CD320: variants seen among roughly 807,000 people sequenced by gnomAD.
CD320 encodes the protein CD320 antigen.
A neutral mutation model predicts 22.1 loss-of-function variants in CD320; 16 were observed. That is an observed-to-expected ratio of 0.73 (90% CI 0.49 to 1.10). The LOEUF (loss-of-function observed/expected upper bound fraction) is 1.10, where lower values mean the gene tolerates loss of function less well. Ranked by LOEUF, CD320 falls within the 50% of genes least tolerant of loss-of-function variation. CD320 has a pLI of 0.00. For synonymous variants in CD320, 188 were observed against 167.8 expected (o/e 1.12, Z -0.93); for missense variants, 388 against 376.9 (o/e 1.03, Z -0.24).
In CD320 at chr19:8,302,248, G is replaced by T. The variant is rs773898400; in HGVS notation, c.*215C>A. 58 of 708,800 alleles carry T rather than the reference G, an allele frequency of 8.2e-5. No homozygotes were observed. Among genetic ancestry groups the T allele is most frequent in the South Asian group, 7.7e-4 (52 of 67,246 alleles). The allele number at this position is 708,800 out of a possible 1,614,324, so 43.9% of individuals were successfully genotyped here. The stretch of plus-strand genomic sequence containing the variant: ...AGCCCCTCAGTTCTGGCTGTGGCAG[G>T]TTCCCCATCCTAGCTCCCCGGATCT... On this transcript the variant is annotated 3_prime_UTR_variant, in exon 5 of 5. Coordinates refer to ENST00000301458, the MANE Select transcript of CD320 (RefSeq NM_016579.4).
chr19:8,303,674 C>G (rs915486657), intron 3 of CD320, among the ~76,000 whole-genome samples, 181 bp downstream of exon 3: 24 of 152,174 alleles, frequency 1.6e-4, no homozygotes, highest in African/African-American at 5.8e-4. Flanking sequence ...CTCAGCCTCC[C>G]AAAGTGCTGG....
intron 2 of CD320, 95 bp downstream of exon 2, chr19:8,304,936 T>C (rs1970065922): frequency 6.8e-7 from 1 of 1,476,984 alleles, no homozygotes; most frequent in Non-Finnish European, 9.3e-7. Context: ...CGGCCCTGCC[T>C]TTCCCACAAG....
In CD320 at chr19:8,302,995, G is replaced by C. The variant is rs188427014; in HGVS notation, c.503-15C>G. The C allele has an allele frequency of 1.2e-6, 2 of 1,612,028 alleles. No homozygotes were observed. Among genetic ancestry groups the C allele is most frequent in the East Asian group, 2.2e-5 (1 of 44,838 alleles). On this transcript the variant is annotated splice_polypyrimidine_tract_variant and intron_variant, in intron 3 of 4. Coordinates refer to ENST00000301458, the MANE Select transcript of CD320 (RefSeq NM_016579.4). ...CTCATTGGTTCCTGCAATAAGCCCAGGCGTTCAGTAGTTGAGGAGAGAGCA... is the reference window on the plus strand; with the variant it reads ...CTCATTGGTTCCTGCAATAAGCCCACGCGTTCAGTAGTTGAGGAGAGAGCA...
chr19:8,304,337 GTTTC>G (rs576970427), intron 2 of CD320, among the ~76,000 whole-genome samples: 79 of 151,730 alleles, frequency 5.2e-4, no homozygotes, highest in Non-Finnish European at 9.1e-4. Flanking sequence ...TTGTTTGTTT[GTTTC>G]TTTCTTTATT....
chr19:8,308,085 G>T (rs1234100487), intron 1 of CD320, 64 bp downstream of exon 1: 45 of 1,398,772 alleles, frequency 3.2e-5, no homozygotes, highest in Non-Finnish European at 4.1e-5. Flanking sequence ...AGGCGTTGTC[G>T]GTGCGCGGCG....
chr19:8,306,649 C>G (rs1970092221), intron 1 of CD320, among the ~76,000 whole-genome samples: 1 of 152,236 alleles, frequency 6.6e-6, no homozygotes, highest in Admixed American at 6.5e-5. Context: ...CCCTCCTCGG[C>G]CTTCAGGCCT....
In CD320 at chr19:8,302,514, C is replaced by T. The variant is rs768130652; in HGVS notation, c.798G>A (p.Val266=). The T allele has an allele frequency of 6.2e-7, 1 of 1,614,166 alleles. No individual in the cohort carries two copies. The highest frequency in any genetic ancestry group is 1.1e-5 in the South Asian group (1 of 91,092). The change falls in exon 5 of 5, where the codon GTG becomes GTA. Residue 266 remains valine (V), a synonymous_variant. Transcript: ENST00000301458. The part of the protein sequence containing the change: ...QERLRPLGLL[V]AMKESLLLSE... ...ACAGCAGCAGGGACTCCTTCATGGCCACCAGTAACCCCAGTGGGCGGAGGC... is the reference window on the plus strand; with the variant it reads ...ACAGCAGCAGGGACTCCTTCATGGCTACCAGTAACCCCAGTGGGCGGAGGC...
At position 8,303,088 on chromosome 19, in the gene CD320, G is replaced by A. The variant is rs1970033721; in HGVS notation, c.503-108C>T. 4 of 674,408 alleles carry A rather than the reference G, an allele frequency of 5.9e-6. No homozygotes were observed. In the Admixed American group the frequency reaches 1.1e-4, roughly 19 times the overall value. The allele number at this position is 674,408 out of a possible 1,614,324, so 41.8% of individuals were successfully genotyped here. A position where few individuals can be genotyped will look rare whatever the true frequency, so the allele number is the denominator to read the frequency against. On this transcript the variant is annotated intron_variant, in intron 3 of 4. Transcript: ENST00000301458. ...GTTTATCCTCAACCAACCAGGCTGG[G>A]TGAAGCTGACTGCCCGTAATTATGT...
intron 2 of CD320, chr19:8,304,814 A>G (rs1599622619): frequency 3.6e-6 from 2 of 554,580 alleles, no homozygotes; most frequent in East Asian, 3.3e-5. Context: ...CGATCCTCCC[A>G]CCCTAGCCTC....
chr19:8,303,114 CTTTTTTTTT>C (rs909856646), intron 3 of CD320, 134 bp from the exon 4 acceptor site: 26 of 520,030 alleles, frequency 5.0e-5, no homozygotes, highest in South Asian at 2.3e-4. Flanking sequence ...GTAATTATGT[CTTTTTTTTT>C]TTTTTTTTTT....
chr19:8,304,005 C>A lies in CD320; in HGVS notation c.352G>T (p.Gly118Trp). The A allele has an allele frequency of 1.3e-6, 2 of 1,569,538 alleles. No individual in the cohort carries two copies. Among genetic ancestry groups the A allele is most frequent in the Non-Finnish European group, 1.7e-6 (2 of 1,157,264 alleles). The change falls in exon 3 of 5, where the codon GGG becomes TGG. Residue 118 changes from glycine to tryptophan, a missense_variant. By Grantham distance (184) the Gly-to-Trp change is radical. Transcript: ENST00000301458. ...CPCTGVSDCS[G>W]GTDKKLRNCS... Reference sequence around the variant, plus strand: ...TTGCGCAGTTTCTTGTCAGTTCCCCCAGAGCAGTCACTGACGCCGGTGCAG... The same window carrying A: ...TTGCGCAGTTTCTTGTCAGTTCCCCAAGAGCAGTCACTGACGCCGGTGCAG...
In CD320 at chr19:8,306,471, G is replaced by A. The variant is rs369341524; in HGVS notation, c.143-1315C>T. Among the ~76,000 whole-genome samples, 28 of 152,344 alleles carry A rather than the reference G, an allele frequency of 1.8e-4. 1 individual carries two copies. The East Asian group carries it at 3.1e-3, about 17-fold the overall frequency. ...GGGCACGGAGGGGCCCGCAACCTGG[G>A]CCAAGGGACAGAGGAAGGGAGTGGC... On this transcript the variant is annotated intron_variant, in intron 1 of 4. Transcript: ENST00000301458.
Position 8,303,857 on chromosome 19 carries a change from CAGCCG to C in CD320, c.495_499del (p.Gly166TrpfsTer4), listed in dbSNP as rs1232134872. 3 of 1,591,836 alleles carry C rather than the reference CAGCCG, an allele frequency of 1.9e-6. No homozygotes were observed. The highest frequency in any genetic ancestry group is 3.5e-5 in the Admixed American group (2 of 57,354). ...ACCCCAGCCCCGCAGGTGCATACCA[CAGCCG>C]AGCTCGTCGCTGGAGTCGGGACAGT... On this transcript the variant is annotated frameshift_variant, in exon 3 of 5. Coordinates refer to ENST00000301458, the MANE Select transcript of CD320 (RefSeq NM_016579.4). LOFTEE classifies it high-confidence loss of function.
intron 1 of CD320, chr19:8,305,361 G>C: frequency 1.8e-6 from 1 of 561,772 alleles, no homozygotes; most frequent in Non-Finnish European, 3.2e-6. Context: ...CACTGGGCAG[G>C]TGCTACTGCA....
intron 1 of CD320, chr19:8,305,664 C>T (rs1360868885): frequency 6.3e-6 from 1 of 159,868 alleles, no homozygotes; most frequent in Non-Finnish European, 1.4e-5. Context: ...CGAAATCATA[C>T]TGCTGCACTC....
chr19:8,304,789 C>G, intron 2 of CD320: 1 of 514,126 alleles, frequency 1.9e-6, no homozygotes, highest in Non-Finnish European at 3.6e-6. Flanking sequence ...CGGCAACCTC[C>G]CAGGATCAAG....
At chr19:8,305,305 G>C in intron 1 of CD320, 149 bp from the exon 2 acceptor site, 10 of 921,872 alleles carry the variant, frequency 1.1e-5, no homozygotes, top group Non-Finnish European at 1.6e-5. Flanking sequence ...TGAGCCCCTA[G>C]TACGAGTGGG....
Position 8,302,813 on chromosome 19 carries a change from C to T in CD320, c.670G>A (p.Gly224Arg). ...ATSSSAGDQSGSPTAYGVIAA... is the reference protein window; with the variant it reads ...ATSSSAGDQSRSPTAYGVIAA... ...ATAACCCCATAGGCAGTTGGGCTTC[C>T]AGACTGGTCTCCGGCAGAGGAGGAT... Residue 224 changes from glycine to arginine, a missense_variant, in exon 4 of 5, where the codon GGA becomes AGA. Coordinates refer to ENST00000301458, the MANE Select transcript of CD320 (RefSeq NM_016579.4). 1.2e-6 allele frequency: 2 copies of T among 1,614,184 alleles called. No individual in the cohort carries two copies. The highest frequency in any genetic ancestry group is 2.2e-5 in the East Asian group (1 of 44,874).
At chr19:8,308,078 C>G (rs1021982855) in intron 1 of CD320, 71 bp downstream of exon 1, 1 of 1,365,662 alleles carries the variant, frequency 7.3e-7, no homozygotes, top group Non-Finnish European at 9.6e-7. Flanking sequence ...AGTGACTAGG[C>G]GTTGTCGGTG....
Sources: allele counts gnomAD v4.1 joint callset (sites outside exome capture counted in the v4.1 genomes callset), GRCh38; gene constraint gnomAD v4.1.1; transcripts MANE v1.5; gene names NCBI Gene and HGNC (gene_info 2026-07-23, HGNC 2026-07-21).